MACROD2: variants seen among roughly 807,000 people sequenced by gnomAD.
MACROD2 encodes the protein mono-ADP ribosylhydrolase 2.
In MACROD2, 36 loss-of-function variants were observed where a neutral mutation model predicts 70.4. The ratio of observed to expected loss-of-function variants is 0.51; its 90% CI spans 0.39 to 0.68. The LOEUF (loss-of-function observed/expected upper bound fraction) is 0.68, where lower values mean the gene tolerates loss of function less well. Ranked by LOEUF, MACROD2 falls within the 30% of genes least tolerant of loss-of-function variation. MACROD2 has a pLI of 0.00. For synonymous variants in MACROD2, 172 were observed against 178.8 expected, an observed-to-expected ratio of 0.96 and a Z score of 0.30; for missense variants, 496 against 538.4, an observed-to-expected ratio of 0.92 and a Z score of 0.78.
At chr20:14,487,790 T>C (rs1374359732) in intron 3 of MACROD2, among the ~76,000 whole-genome samples, 2 of 152,166 alleles carry the variant, frequency 1.3e-5, no homozygotes, top group Non-Finnish European at 2.9e-5. Flanking sequence ...TCATTTGAGG[T>C]CATTTGCATC....
intron 5 of MACROD2, among the ~76,000 whole-genome samples, chr20:15,147,089 C>A (rs143032189): frequency 1.2e-3 from 190 of 152,092 alleles, no homozygotes; most frequent in African/African-American, 4.5e-3. Context: ...TTGGAGTATC[C>A]CCCAGGAGAA....
chr20:15,790,862 T>A (rs986102532), intron 8 of MACROD2, among the ~76,000 whole-genome samples: 14 of 151,946 alleles, frequency 9.2e-5, no homozygotes, highest in African/African-American at 3.1e-4. Context: ...TGATTCTTCA[T>A]CTTTTCTATT....
At chr20:14,318,860 G>T (rs2082635308) in intron 3 of MACROD2, among the ~76,000 whole-genome samples, 1 of 151,888 alleles carries the variant, frequency 6.6e-6, no homozygotes, top group African/African-American at 2.4e-5. Flanking sequence ...TTTTCTTTTG[G>T]GTTCCAATTT....
At chr20:15,867,658 A>G (rs992795434) in intron 9 of MACROD2, among the ~76,000 whole-genome samples, 2 of 152,194 alleles carry the variant, frequency 1.3e-5, no homozygotes, top group African/African-American at 4.8e-5. Context: ...AAAAGAAAAG[A>G]AAAGACAATT....
chr20:15,437,780 C>CTCTGT (rs2046445189), intron 7 of MACROD2, among the ~76,000 whole-genome samples: 2 of 152,114 alleles, frequency 1.3e-5, no homozygotes, highest in Non-Finnish European at 2.9e-5. Flanking sequence ...TGTTAGTTTA[C>CTCTGT]TAAGGATAAT....
intron 6 of MACROD2, among the ~76,000 whole-genome samples, chr20:15,375,422 T>C (rs1438694976): frequency 2.0e-5 from 3 of 152,152 alleles, no homozygotes; most frequent in Non-Finnish European, 4.4e-5. Flanking sequence ...GGTGCTGTAA[T>C]TGTGCGGTAA....
intron 9 of MACROD2, among the ~76,000 whole-genome samples, chr20:15,869,421 A>C (rs1331107971): frequency 6.6e-6 from 1 of 151,234 alleles, no homozygotes; most frequent in Non-Finnish European, 1.5e-5. Context: ...TATATTTAAA[A>C]AATTAATAGA....
chr20:15,210,215 T>C (rs2145945406), intron 5 of MACROD2, among the ~76,000 whole-genome samples: 1 of 152,334 alleles, frequency 6.6e-6, no homozygotes, highest in East Asian at 1.9e-4. Flanking sequence ...GGCAGTTGTG[T>C]ATGGCACATA....
In MACROD2 at chr20:15,322,212, CA is replaced by C. The variant is rs199846303; in HGVS notation, c.540+92159del. On this transcript the variant is annotated intron_variant, in intron 6 of 17. Transcript: ENST00000684519. ...CTTCAGAAATATGTTTTTAAACATA[CA>C]AAAAAAATGCCAGTGGATTCAACTC... 1.4e-4 allele frequency among the ~76,000 whole-genome samples: 20 copies of C among 142,416 alleles called. 1 individual carries two copies. The highest frequency in any genetic ancestry group is 1.1e-3 in the Admixed American group (16 of 14,142). The allele number at this position is 142,416 out of a possible 152,430, so 93.4% of individuals were successfully genotyped here. A position where few individuals can be genotyped will look rare whatever the true frequency, so the allele number is the denominator to read the frequency against.
At chr20:15,294,258 G>A (rs1001758427) in intron 6 of MACROD2, among the ~76,000 whole-genome samples, 2 of 152,096 alleles carry the variant, frequency 1.3e-5, no homozygotes, top group Non-Finnish European at 2.9e-5. Context: ...CTGATGGGAT[G>A]GGACATCTCC....
At chr20:15,759,872 G>A (rs544185957) in intron 8 of MACROD2, among the ~76,000 whole-genome samples, 5 of 152,266 alleles carry the variant, frequency 3.3e-5, no homozygotes, top group East Asian at 1.9e-4. Flanking sequence ...TACAGAACTC[G>A]TACATGCATT....
At chr20:15,209,148 T>TA (rs1555792785) in intron 5 of MACROD2, among the ~76,000 whole-genome samples, 11 of 150,924 alleles carry the variant, frequency 7.3e-5, no homozygotes, top group Non-Finnish European at 1.3e-4. Flanking sequence ...TTTATTTATT[T>TA]TTTAGTCTGC....
At chr20:14,718,876 A>G (rs1323283164) in intron 5 of MACROD2, among the ~76,000 whole-genome samples, 1 of 152,174 alleles carries the variant, frequency 6.6e-6, no homozygotes, top group African/African-American at 2.4e-5. Flanking sequence ...TTCTTTAACA[A>G]ATATAAACAA....
chr20:15,302,165 C>T (rs1418838713), intron 6 of MACROD2, among the ~76,000 whole-genome samples: 1 of 152,104 alleles, frequency 6.6e-6, no homozygotes, highest in African/African-American at 2.4e-5. Context: ...GAACATGTGG[C>T]GTCCTCATTG....
At chr20:14,401,179 G>A (rs1484575508) in intron 3 of MACROD2, among the ~76,000 whole-genome samples, 1 of 152,112 alleles carries the variant, frequency 6.6e-6, no homozygotes, top group East Asian at 1.9e-4. Context: ...TATGCCAAGG[G>A]ATAGTTCTGG....
intron 3 of MACROD2, among the ~76,000 whole-genome samples, chr20:14,462,807 C>A (rs1214790117): frequency 6.6e-6 from 1 of 152,054 alleles, no homozygotes. Flanking sequence ...TTCCCCATTT[C>A]TTGTTTTTGT....
chr20:14,038,345 C>T (rs984274076), intron 2 of MACROD2, among the ~76,000 whole-genome samples: 1 of 152,062 alleles, frequency 6.6e-6, no homozygotes, highest in Non-Finnish European at 1.5e-5. Flanking sequence ...ACTTGTGTGC[C>T]AGGTATAGTT....
intron 3 of MACROD2, among the ~76,000 whole-genome samples, chr20:14,457,240 T>G (rs2084314395): frequency 6.6e-6 from 1 of 152,142 alleles, no homozygotes; most frequent in Non-Finnish European, 1.5e-5. Context: ...TTTAGTGAAC[T>G]ATTTTCTAGT....
intron 3 of MACROD2, among the ~76,000 whole-genome samples, chr20:14,163,048 T>C (rs1307033363): frequency 6.6e-6 from 1 of 152,178 alleles, no homozygotes. Context: ...CAGTGGTTTT[T>C]ATATTTTCAT....
Sources: allele counts gnomAD v4.1 joint callset (sites outside exome capture counted in the v4.1 genomes callset), GRCh38; gene constraint gnomAD v4.1.1; transcripts MANE v1.5; gene names NCBI Gene and HGNC (gene_info 2026-07-23, HGNC 2026-07-21).